The following MYT1L variants were observed in gnomAD, a reference collection of about 807,000 sequenced individuals.
The protein encoded by MYT1L is myelin transcription factor 1 like.
Under a neutral mutation model 126.7 loss-of-function variants are expected in MYT1L, and 12 were observed. The ratio of observed to expected loss-of-function variants is 0.09; its 90% confidence interval spans 0.06 to 0.15. The LOEUF (loss-of-function observed/expected upper bound fraction) is 0.15, where lower values mean the gene tolerates loss of function less well. Ranked by LOEUF, MYT1L falls within the 10% of genes least tolerant of loss-of-function variation. MYT1L has a pLI of 1.00. For missense variants in MYT1L, 979 were observed against 1,585.2 expected (o/e 0.62, Z 6.49); for synonymous variants, 541 against 604.2 (o/e 0.90, Z 1.53).
At chr2:2,296,446 A>T (rs754152783) in intron 1 of MYT1L, among the ~76,000 whole-genome samples, 5 of 152,214 alleles carry the variant, frequency 3.3e-5, no homozygotes, top group Non-Finnish European at 2.9e-5. Flanking sequence ...TCAAGAAATT[A>T]AAAAATATAA....
chr2:1,994,575 G>A (rs1252914234), intron 5 of MYT1L, among the ~76,000 whole-genome samples: 1 of 152,192 alleles, frequency 6.6e-6, no homozygotes, highest in Non-Finnish European at 1.5e-5. Context: ...TACGGTGCTA[G>A]TGAAAAAAGC....
At position 1,835,048 on chromosome 2, in the gene MYT1L, CACGGGG is replaced by C. The variant is rs1485873651; in HGVS notation, c.3080+4095_3080+4100del. 4.7e-3 allele frequency among the ~76,000 whole-genome samples: 657 copies of C among 139,416 alleles called. 48 individuals are homozygous for C. Among genetic ancestry groups the C allele is most frequent in the African/African-American group, 0.011 (388 of 34,756 alleles). 91.5% of individuals were successfully genotyped at this position (139,416 alleles called of 152,430 possible). On this transcript the variant is annotated intron_variant, in intron 21 of 24. Coordinates refer to ENST00000647738, the MANE Select transcript of MYT1L (RefSeq NM_001303052.2). ...TGGATACAGGTGCTCCTCCACATAC[CACGGGG>C]ATGGATACAGGTGCTCCTCCATATA... is the stretch of plus-strand genomic sequence containing the variant.
chr2:2,171,059 G>A (rs534346797), intron 3 of MYT1L, among the ~76,000 whole-genome samples: 106 of 152,238 alleles, frequency 7.0e-4, no homozygotes, highest in African/African-American at 2.2e-3. Context: ...CTGCTCACCC[G>A]GGGCCTGGCT....
chr2:1,802,422 C>T (rs979929312), intron 22 of MYT1L, among the ~76,000 whole-genome samples: 3 of 152,168 alleles, frequency 2.0e-5, no homozygotes, highest in African/African-American at 7.2e-5. Flanking sequence ...GAGATGGCCA[C>T]AAAAGGGCTC....
At chr2:2,315,825 A>G in intron 1 of MYT1L, among the ~76,000 whole-genome samples, 1 of 152,162 alleles carries the variant, frequency 6.6e-6, no homozygotes. Context: ...ATTGCCTGTA[A>G]ATTTTTTTAC....
chr2:1,994,219 C>T (rs765118609), intron 5 of MYT1L, among the ~76,000 whole-genome samples: 4 of 152,230 alleles, frequency 2.6e-5, no homozygotes, highest in African/African-American at 4.8e-5. Context: ...GAGCCCCTGA[C>T]GGGCCTGTTC....
chr2:1,818,285 C>T (rs1015165761), intron 21 of MYT1L, among the ~76,000 whole-genome samples: 5 of 152,160 alleles, frequency 3.3e-5, no homozygotes, highest in Non-Finnish European at 5.9e-5. Flanking sequence ...GATGAGAACT[C>T]ACGACAAAGA....
intron 2 of MYT1L, among the ~76,000 whole-genome samples, chr2:2,269,999 G>T (rs539842305): frequency 6.6e-6 from 1 of 152,156 alleles, no homozygotes; most frequent in Non-Finnish European, 1.5e-5. Context: ...TCCACAATTC[G>T]TATCTTGAGC....
intron 3 of MYT1L, among the ~76,000 whole-genome samples, chr2:2,146,398 C>T (rs979457673): frequency 6.4e-4 from 98 of 152,138 alleles, no homozygotes; most frequent in African/African-American, 2.3e-3. Flanking sequence ...GGGCAGAGCA[C>T]CTGGGACGAT....
At chr2:1,908,011 G>A (rs917914960) in intron 13 of MYT1L, among the ~76,000 whole-genome samples, 5 of 152,194 alleles carry the variant, frequency 3.3e-5, no homozygotes, top group Admixed American at 1.3e-4. Context: ...CCGAGACCTC[G>A]CACTGCAGTG....
chr2:2,004,907 C>T lies in MYT1L; in HGVS notation c.-157-7560G>A, dbSNP rs200552005. 3.3e-3 allele frequency among the ~76,000 whole-genome samples: 499 copies of T among 149,730 alleles called. 3 individuals are homozygous for T. Among genetic ancestry groups the T allele is most frequent in the Non-Finnish European group, 5.0e-3 (336 of 67,388 alleles). On this transcript the variant is annotated intron_variant, in intron 4 of 24. Coordinates refer to ENST00000647738, the MANE Select transcript of MYT1L (RefSeq NM_001303052.2). ...TCTTTCCTGCATGTGTTCTTTCCTGCATGCGTTCTTTCCTGCAGGCATTCT... is the reference window on the plus strand; with the variant it reads ...TCTTTCCTGCATGTGTTCTTTCCTGTATGCGTTCTTTCCTGCAGGCATTCT...
chr2:2,104,911 G>A (rs536927067), intron 3 of MYT1L, among the ~76,000 whole-genome samples: 130 of 152,228 alleles, frequency 8.5e-4, no homozygotes, highest in Non-Finnish European at 1.4e-3. Flanking sequence ...TTTAAGGAGA[G>A]GTCACACCAC....
chr2:2,151,908 T>G (rs2085859629), intron 3 of MYT1L, among the ~76,000 whole-genome samples: 3 of 151,862 alleles, frequency 2.0e-5, no homozygotes, highest in Admixed American at 2.0e-4. Flanking sequence ...CGCAAAAAAT[T>G]AGCCAGGTGT....
At chr2:2,118,587 T>A (rs150857399) in intron 3 of MYT1L, among the ~76,000 whole-genome samples, 2 of 152,190 alleles carry the variant, frequency 1.3e-5, no homozygotes, top group African/African-American at 4.8e-5. Flanking sequence ...CTTGTGCTTG[T>A]CAAAATATTT....
intron 21 of MYT1L, chr2:1,828,403 A>G (rs1277031579): frequency 6.6e-6 from 1 of 152,158 alleles, no homozygotes; most frequent in African/African-American, 2.4e-5. Flanking sequence ...GGAATGAGAA[A>G]GAGGTAAGGT....
At chr2:2,104,918 C>T (rs2078563681) in intron 3 of MYT1L, among the ~76,000 whole-genome samples, 1 of 152,150 alleles carries the variant, frequency 6.6e-6, no homozygotes, top group African/African-American at 2.4e-5. Flanking sequence ...AGAGGTCACA[C>T]CACTCTAGAG....
At chr2:1,916,918 C>A (rs1021518715) in intron 11 of MYT1L, among the ~76,000 whole-genome samples, 3 of 152,190 alleles carry the variant, frequency 2.0e-5, no homozygotes, top group African/African-American at 7.2e-5. Flanking sequence ...CTGGAAGCAA[C>A]CTGCCCAAGG....
intron 3 of MYT1L, among the ~76,000 whole-genome samples, chr2:2,095,730 C>A (rs995841240): frequency 2.0e-5 from 3 of 151,980 alleles, no homozygotes; most frequent in Admixed American, 2.0e-4. Flanking sequence ...TGAATAAATA[C>A]ATGAGCATCA....
Position 1,922,416 on chromosome 2 carries a change from C to T in MYT1L, c.1353G>A (p.Lys451=). The T allele has an allele frequency of 6.2e-7, 1 of 1,612,112 alleles. No homozygotes were observed. Among genetic ancestry groups the T allele is most frequent in the Non-Finnish European group, 8.5e-7 (1 of 1,178,198 alleles). ...CCCTCCTCCCAGCTTCCATGGCCAT[C>T]TTCTCCCTCATGGCCTTTGCTCTTT... is the stretch of plus-strand genomic sequence containing the variant. ...ETERAKAMRE[K]MAMEAGRRDN... is the part of the protein sequence containing the mutation. Residue 451 remains lysine (K), a synonymous_variant, in exon 10 of 25, where the codon AAG becomes AAA. Coordinates refer to ENST00000647738, the MANE Select transcript of MYT1L (RefSeq NM_001303052.2). This position sits in a 1 kb window ranked among gnomAD's most constrained non-coding sequence, Gnocchi z 7.4.
Sources: allele counts gnomAD v4.1 joint callset (sites outside exome capture counted in the v4.1 genomes callset), GRCh38; gene constraint gnomAD v4.1.1; non-coding constraint Gnocchi (gnomAD v3.1); transcripts MANE v1.5; gene names NCBI Gene and HGNC (gene_info 2026-07-23, HGNC 2026-07-21).